The following PLEKHA2 variants were observed in gnomAD, a reference collection of about 807,000 sequenced individuals.
PLEKHA2 encodes pleckstrin homology domain containing A2, also known as pleckstrin homology domain-containing family A member 2.
Under a neutral mutation model 53.2 loss-of-function variants are expected in PLEKHA2, and 28 were observed. That is an observed-to-expected ratio of 0.53 (90% CI 0.39 to 0.72). The LOEUF is 0.72. PLEKHA2 is among the 30% of genes least tolerant of loss of function. The pLI is 0.00. For synonymous variants in PLEKHA2, 193 were observed against 196.4 expected (o/e 0.98, Z 0.14); for missense variants, 426 against 537.9 (o/e 0.79, Z 2.06).
chr8:38,908,219 A>G (rs549346223), intron 1 of PLEKHA2, among the ~76,000 whole-genome samples: 2 of 152,296 alleles, frequency 1.3e-5, no homozygotes, highest in South Asian at 4.1e-4. Flanking sequence ...TCTTAAGACC[A>G]GAGAGCAAGG....
chr8:38,903,046 T>A (rs536710701), intron 1 of PLEKHA2, among the ~76,000 whole-genome samples: 1 of 152,356 alleles, frequency 6.6e-6, no homozygotes, highest in African/African-American at 2.4e-5. Flanking sequence ...GCTAAGTAAA[T>A]GTTTATTGCA....
At chr8:38,930,284 C>T (rs911023993) in intron 2 of PLEKHA2, among the ~76,000 whole-genome samples, 8 of 152,152 alleles carry the variant, frequency 5.3e-5, no homozygotes, top group Admixed American at 2.0e-4. Flanking sequence ...TCACTGCAAC[C>T]TTCGCCTCCT....
intron 10 of PLEKHA2, among the ~76,000 whole-genome samples, chr8:38,960,181 A>G (rs1347670686): frequency 6.6e-6 from 1 of 152,242 alleles, no homozygotes; most frequent in Non-Finnish European, 1.5e-5. Context: ...CATTTCTGGG[A>G]TAAGAGAACA....
rs1408851669 is a variant in PLEKHA2, at chr8:38,922,354, A to T, written c.141+4284A>T. ...TATGTGTTCATTGAATGAAGGAATG[A>T]ATGAGCCAGCTAAAGAGGGCCAGGG... is the stretch of plus-strand genomic sequence containing the variant. On this transcript the variant is annotated intron_variant, in intron 2 of 11. Transcript: ENST00000617275. The surrounding 1 kb of genome is among the most constrained non-coding windows in gnomAD (Gnocchi z 4.0). Among the ~76,000 whole-genome samples the T allele has an allele frequency of 6.6e-6, 1 of 152,218 alleles. No homozygotes were observed. The highest frequency in any genetic ancestry group is 1.5e-5 in the Non-Finnish European group (1 of 68,028).
Position 38,971,069 on chromosome 8 carries a change from C to T in PLEKHA2, c.*1286C>T, listed in dbSNP as rs1245284784. The T allele has an allele frequency of 1.3e-5, 2 of 152,172 alleles. No individual in the cohort carries two copies. The highest frequency in any genetic ancestry group is 6.5e-5 in the Admixed American group (1 of 15,270). The allele number at this position is 152,172 out of a possible 1,614,324, so 9.4% of individuals were successfully genotyped here. Reference sequence around the variant, plus strand: ...AACTATTTTTACCTGAGTAAATGCTCTCCTCTTCTTGTGTCCAAATCTAAT... The same window carrying T: ...AACTATTTTTACCTGAGTAAATGCTTTCCTCTTCTTGTGTCCAAATCTAAT... On this transcript the variant is annotated 3_prime_UTR_variant, in exon 12 of 12. Coordinates refer to ENST00000617275, the MANE Select transcript of PLEKHA2 (RefSeq NM_021623.2).
chr8:38,958,799 T>C (rs747963606), intron 10 of PLEKHA2, among the ~76,000 whole-genome samples: 3 of 152,142 alleles, frequency 2.0e-5, no homozygotes, highest in Non-Finnish European at 4.4e-5. Context: ...GCTGGGCATT[T>C]TGTCTCAGGC....
chr8:38,906,597 C>T (rs1168137941), intron 1 of PLEKHA2, among the ~76,000 whole-genome samples: 5 of 152,166 alleles, frequency 3.3e-5, no homozygotes, highest in African/African-American at 7.2e-5. Flanking sequence ...GTTCTCAGTA[C>T]GTTCCCTTCT....
chr8:38,946,600 C>G (rs1471286513), intron 5 of PLEKHA2, among the ~76,000 whole-genome samples: 1 of 152,130 alleles, frequency 6.6e-6, no homozygotes. Context: ...AACTTTTTCC[C>G]AGCTTGGGGG....
intron 1 of PLEKHA2, among the ~76,000 whole-genome samples, chr8:38,902,275 C>G (rs1437554969): frequency 6.6e-6 from 1 of 151,952 alleles, no homozygotes; most frequent in Non-Finnish European, 1.5e-5. Context: ...TCCCTGCACG[C>G]CCAGAGAGGG....
intron 5 of PLEKHA2, among the ~76,000 whole-genome samples, chr8:38,949,560 C>A (rs1361183603): frequency 1.3e-5 from 2 of 152,198 alleles, no homozygotes; most frequent in African/African-American, 4.8e-5. Flanking sequence ...CAATTTGCAA[C>A]CTCTGGCCTG....
At chr8:38,935,891 AG>A (rs1834485455) in intron 2 of PLEKHA2, 102 bp from the exon 3 acceptor site, 1 of 1,022,450 alleles carries the variant, frequency 9.8e-7, no homozygotes, top group African/African-American at 1.6e-5. Context: ...TAACTTGCTC[AG>A]TGTTGCCAGG....
At chr8:38,942,946 T>C (rs1375204759) in intron 3 of PLEKHA2, among the ~76,000 whole-genome samples, 1 of 152,176 alleles carries the variant, frequency 6.6e-6, no homozygotes, top group African/African-American at 2.4e-5. Flanking sequence ...CTTATTTTCA[T>C]GGTTAGGCCA....
At chr8:38,936,359 G>C (rs372366599) in intron 3 of PLEKHA2, among the ~76,000 whole-genome samples, 1 of 152,208 alleles carries the variant, frequency 6.6e-6, no homozygotes, top group African/African-American at 2.4e-5. Context: ...GGTAGTACAT[G>C]ATCCATGACC....
intron 2 of PLEKHA2, 45 bp from the exon 3 acceptor site, chr8:38,935,949 G>A: frequency 6.3e-7 from 1 of 1,584,094 alleles, no homozygotes; most frequent in Non-Finnish European, 8.7e-7. Flanking sequence ...GTCTCTTGGT[G>A]CTGTTTCCAC....
At chr8:38,919,702 A>T (rs944504243) in intron 2 of PLEKHA2, among the ~76,000 whole-genome samples, 1 of 152,220 alleles carries the variant, frequency 6.6e-6, no homozygotes, top group African/African-American at 2.4e-5. Flanking sequence ...AACAGCATAG[A>T]TGCGGAAAAC....
At chr8:38,965,820 T>C (rs1021670416) in intron 10 of PLEKHA2, among the ~76,000 whole-genome samples, 5 of 152,122 alleles carry the variant, frequency 3.3e-5, no homozygotes, top group Non-Finnish European at 7.4e-5. Flanking sequence ...ACAACAATAA[T>C]ATCTGCTACT....
chr8:38,940,447 G>A (rs1834584554), intron 3 of PLEKHA2, among the ~76,000 whole-genome samples: 1 of 152,008 alleles, frequency 6.6e-6, no homozygotes, highest in Non-Finnish European at 1.5e-5. Flanking sequence ...AGATTGGTGG[G>A]TTCTGAGGGC....
At position 38,950,103 on chromosome 8, in the gene PLEKHA2, G is replaced by A. The variant is rs1179959355; in HGVS notation, c.346-747G>A. Among the ~76,000 whole-genome samples the A allele has an allele frequency of 7.9e-5, 12 of 152,184 alleles. No individual in the cohort carries two copies. The East Asian group carries it at 2.3e-3, about 29-fold the overall frequency. The stretch of plus-strand genomic sequence containing the variant: ...GTCACCTAGCCTGGAGTACAGTGGT[G>A]TGATTATAGCTCACTTCAGCCTCCA... On this transcript the variant is annotated intron_variant, in intron 5 of 11. Transcript: ENST00000617275.
In PLEKHA2 at chr8:38,917,944, T is replaced by C. The variant is rs1376100185; in HGVS notation, c.15T>C (p.Asp5=). 1 of 1,613,624 alleles carries C rather than the reference T, an allele frequency of 6.2e-7. No individual in the cohort carries two copies. The highest frequency in any genetic ancestry group is 1.7e-5 in the Admixed American group (1 of 59,978). The part of the protein sequence containing the change: MPYV[D]RQNRICGFLD... ...AGAGCCCAGGAATGCCTTATGTGGA[T>C]CGGCAGAACCGAATCTGTGGGTTTC... Residue 5 remains aspartate, a synonymous_variant, in exon 2 of 12, where the codon GAT becomes GAC. Coordinates refer to ENST00000617275, the MANE Select transcript of PLEKHA2 (RefSeq NM_021623.2).
Sources: allele counts gnomAD v4.1 joint callset (sites outside exome capture counted in the v4.1 genomes callset), GRCh38; gene constraint gnomAD v4.1.1; non-coding constraint Gnocchi (gnomAD v3.1); transcripts MANE v1.5; gene names NCBI Gene and HGNC (gene_info 2026-07-23, HGNC 2026-07-21).